Variants in VAMP5 observed in about 807,000 individuals in gnomAD.
VAMP5 encodes the protein vesicle associated membrane protein 5, also known as vesicle-associated membrane protein 5.
VAMP5 carries 10 observed loss-of-function variants against 8.1 expected under a neutral mutation model. The ratio of observed to expected loss-of-function variants is 1.23; its 90% CI spans 0.76 to 2.09. The LOEUF (loss-of-function observed/expected upper bound fraction) is 2.09, where lower values mean the gene tolerates loss of function less well. Among genes scored for constraint, VAMP5 ranks in the 30% most tolerant of loss-of-function variants. The probability of loss-of-function intolerance (pLI) is 0.00; values close to 1 mark genes in which losing one functional copy is unlikely to be tolerated. For missense variants in VAMP5, 135 were observed against 152.5 expected, an observed-to-expected ratio of 0.89 and a Z score of 0.60; for synonymous variants, 62 against 60.6, an observed-to-expected ratio of 1.02 and a Z score of -0.11.
At chr2:85,591,607 T>C (rs980572562) in intron 1 of VAMP5, 118 bp from the exon 2 acceptor site, 10 of 1,460,022 alleles carry the variant, frequency 6.8e-6, no homozygotes, top group Middle Eastern at 2.1e-4. Flanking sequence ...ACACGAAGGA[T>C]GCTGTTACTC....
intron 1 of VAMP5, among the ~76,000 whole-genome samples, chr2:85,590,510 G>A (rs938080595): frequency 2.6e-5 from 4 of 152,182 alleles, no homozygotes; most frequent in African/African-American, 9.7e-5. Context: ...CAAGGATCCT[G>A]AAGGAGGATT....
rs186049937 is a variant in VAMP5 at position 85,591,751 on chromosome 2, G to C, written c.30G>C (p.Gln10His). The C allele has an allele frequency of 6.2e-7, 1 of 1,614,194 alleles. No homozygotes were observed. The highest frequency in any genetic ancestry group is 8.5e-7 in the Non-Finnish European group (1 of 1,180,022). MAGIELERC[Q>H]QQANEVTEIM... The stretch of plus-strand genomic sequence containing the variant: ...CAGGAATAGAGTTGGAGCGGTGCCA[G>C]CAGCAGGCGAACGAGGTGACGGAAA... The change falls in exon 2 of 3, where the codon CAG (glutamine) becomes CAC (histidine). Residue 10 changes from glutamine to histidine, a missense_variant. Transcript: ENST00000306384.
chr2:85,591,559 C>T (rs776057662), intron 1 of VAMP5, 166 bp from the exon 2 acceptor site: 27 of 1,063,004 alleles, frequency 2.5e-5, no homozygotes, highest in African/African-American at 6.4e-5. Context: ...GCACTCACCC[C>T]GAAGGCCAGA....
chr2:85,592,527 G>A (rs1000494913), intron 2 of VAMP5, among the ~76,000 whole-genome samples: 3 of 152,150 alleles, frequency 2.0e-5, no homozygotes, highest in African/African-American at 7.2e-5. Flanking sequence ...ACAAGGCCGG[G>A]CGCGGTGTCT....
At chr2:85,589,428 C>T (rs1277212715) in intron 1 of VAMP5, among the ~76,000 whole-genome samples, 2 of 152,160 alleles carry the variant, frequency 1.3e-5, no homozygotes, top group East Asian at 1.9e-4. Flanking sequence ...GGCCTGGCTT[C>T]GCATTGGGGG....
intron 1 of VAMP5, among the ~76,000 whole-genome samples, chr2:85,589,312 C>G (rs927087868): frequency 2.0e-5 from 3 of 152,126 alleles, no homozygotes; most frequent in Non-Finnish European, 4.4e-5. Flanking sequence ...CCTTTTTCCT[C>G]TGGTTGAGTG....
At chr2:85,591,658 G>C in intron 1 of VAMP5, 67 bp from the exon 2 acceptor site, 1 of 1,606,934 alleles carries the variant, frequency 6.2e-7, no homozygotes, top group South Asian at 1.1e-5. Context: ...GAGGCTTCTA[G>C]ATCTCAGGGG....
At chr2:85,591,308 C>T (rs571286563) in intron 1 of VAMP5, among the ~76,000 whole-genome samples, 1 of 152,208 alleles carries the variant, frequency 6.6e-6, no homozygotes, top group Non-Finnish European at 1.5e-5. Context: ...AGCTTGGTTA[C>T]CCATTCTTTG....
intron 1 of VAMP5, among the ~76,000 whole-genome samples, chr2:85,590,135 G>A (rs537889741): frequency 6.6e-6 from 1 of 152,290 alleles, no homozygotes; most frequent in East Asian, 1.9e-4. Flanking sequence ...CAGCCTGTGA[G>A]CGCAGCCTCC....
chr2:85,586,618 A>G (rs1340665654), intron 1 of VAMP5, among the ~76,000 whole-genome samples: 1 of 152,018 alleles, frequency 6.6e-6, no homozygotes, highest in Admixed American at 6.6e-5. Context: ...CTGGGTTAAT[A>G]ATATGGCCTT....
Position 85,593,198 on chromosome 2 carries a change from C to T in VAMP5, c.*41C>T. On this transcript the variant is annotated 3_prime_UTR_variant, in exon 3 of 3. Transcript: ENST00000306384. ...AGGAGAAGCCAAATGGCTGCACTGG[C>T]CGATTCTGGTCTCCAGAGGACCTTG... The T allele has an allele frequency of 1.9e-6, 3 of 1,606,930 alleles. No individual in the cohort carries two copies. Among genetic ancestry groups the T allele is most frequent in the Non-Finnish European group, 2.6e-6 (3 of 1,176,132 alleles).
Position 85,591,765 on chromosome 2 carries a change from A to T in VAMP5, c.44A>T (p.Glu15Val), listed in dbSNP as rs201128795. 6.2e-7 allele frequency: 1 copy of T among 1,614,102 alleles called. No individual in the cohort carries two copies. The highest frequency in any genetic ancestry group is 1.3e-5 in the African/African-American group (1 of 75,014). Residue 15 changes from glutamate (E) to valine (V), a missense_variant, in exon 2 of 3, where the codon GAG (glutamate) becomes GTG (valine). Coordinates refer to ENST00000306384, the MANE Select transcript of VAMP5 (RefSeq NM_006634.3). The part of the protein sequence containing the change: ...ELERCQQQAN[E>V]VTEIMRNNFG... ...GAGCGGTGCCAGCAGCAGGCGAACG[A>T]GGTGACGGAAATTATGCGTAACAAC...
chr2:85,590,975 G>C (rs567853436), intron 1 of VAMP5, among the ~76,000 whole-genome samples: 1 of 152,184 alleles, frequency 6.6e-6, no homozygotes, highest in Non-Finnish European at 1.5e-5. Context: ...AGGCAAAGCT[G>C]CCCCCCAGGC....
Position 85,593,149 on chromosome 2 carries a change from G to C in VAMP5, c.343G>C (p.Gly115Arg). ...GGATGCAGGCATTGCCTCAGGGCCTGGGAACTGACCCAGCTGGTCCTGAAG... is the reference window on the plus strand; with the variant it reads ...GGATGCAGGCATTGCCTCAGGGCCTCGGAACTGACCCAGCTGGTCCTGAAG... Reference protein sequence around the residue: ...TQDAGIASGPGN With the variant: ...TQDAGIASGPRN Residue 115 changes from glycine (G) to arginine (R), a missense_variant, in exon 3 of 3, where the codon GGG becomes CGG. Gly to Arg is a moderately radical substitution (Grantham distance 125, BLOSUM62 -2). Transcript: ENST00000306384. The C allele has an allele frequency of 6.2e-7, 1 of 1,614,170 alleles. No homozygotes were observed.
chr2:85,593,132 G>C lies in VAMP5; in HGVS notation c.326G>C (p.Gly109Ala). The change falls in exon 3 of 3, where the codon GGC becomes GCC. Residue 109 changes from glycine (G) to alanine (A), a missense_variant. Physicochemically the swap from Gly to Ala is moderately conservative, Grantham distance 60 (BLOSUM62 0). Coordinates refer to ENST00000306384, the MANE Select transcript of VAMP5 (RefSeq NM_006634.3). ...SSSAPRTQDA[G>A]IASGPGN is the part of the protein sequence containing the mutation. ...AGTGCCCCACGGACCCAGGATGCAG[G>C]CATTGCCTCAGGGCCTGGGAACTGA... The C allele has an allele frequency of 1.2e-6, 2 of 1,614,204 alleles. No homozygotes were observed. Among genetic ancestry groups the C allele is most frequent in the Non-Finnish European group, 1.7e-6 (2 of 1,180,042 alleles).
chr2:85,589,071 G>C (rs1029521495), intron 1 of VAMP5, among the ~76,000 whole-genome samples: 3 of 152,136 alleles, frequency 2.0e-5, no homozygotes, highest in Non-Finnish European at 2.9e-5. Context: ...GACTGCTTGA[G>C]CCCAGGAGTT....
intron 1 of VAMP5, among the ~76,000 whole-genome samples, chr2:85,586,800 G>A (rs533292845): frequency 9.2e-5 from 14 of 151,918 alleles, no homozygotes; most frequent in Non-Finnish European, 1.6e-4. Flanking sequence ...AGCCGGGCGC[G>A]GTGGCTCACG....
chr2:85,590,318 G>A (rs1026609783), intron 1 of VAMP5, among the ~76,000 whole-genome samples: 1 of 152,314 alleles, frequency 6.6e-6, no homozygotes, highest in African/African-American at 2.4e-5. Context: ...AGGCTGTATC[G>A]TAATTGGCCC....
Position 85,591,781 on chromosome 2 carries a change from G to C in VAMP5, c.60G>C (p.Met20Ile), listed in dbSNP as rs1256605774. The change falls in exon 2 of 3, where the codon ATG (methionine) becomes ATC (isoleucine). Residue 20 changes from methionine (M) to isoleucine (I), a missense_variant. Physicochemically the swap from Met to Ile is conservative, Grantham distance 10. Coordinates refer to ENST00000306384, the MANE Select transcript of VAMP5 (RefSeq NM_006634.3). ...QQQANEVTEI[M>I]RNNFGKVLER... is the part of the protein sequence containing the mutation. ...AGGCGAACGAGGTGACGGAAATTAT[G>C]CGTAACAACTTCGGCAAGGTCCTGG... 6.2e-7 allele frequency: 1 copy of C among 1,614,184 alleles called. No individual in the cohort carries two copies.
Sources: gnomAD v4.1 joint callset for allele counts (sites outside exome capture counted in the v4.1 genomes callset) on GRCh38, gnomAD v4.1.1 for gene constraint, MANE v1.5 for transcripts, NCBI Gene and HGNC (gene_info 2026-07-23, HGNC 2026-07-21) for gene names.